SPOCK1: variants seen among roughly 807,000 people sequenced by gnomAD.
The protein encoded by SPOCK1 is testican-1.
In SPOCK1, 23 loss-of-function variants were observed where a neutral mutation model predicts 55.3. The ratio of observed to expected loss-of-function variants is 0.42; its 90% confidence interval spans 0.30 to 0.59. The LOEUF (loss-of-function observed/expected upper bound fraction) is 0.59, where lower values mean the gene tolerates loss of function less well. Among genes scored for constraint, SPOCK1 ranks in the 20% least tolerant of loss-of-function variants. SPOCK1 has a pLI of 0.22. For missense variants in SPOCK1, 499 were observed against 552.5 expected (o/e 0.90, Z 0.97); for synonymous variants, 226 against 221.0 (o/e 1.02, Z -0.20).
At chr5:137,266,614 T>C (rs971974195) in intron 3 of SPOCK1, among the ~76,000 whole-genome samples, 1 of 152,222 alleles carries the variant, frequency 6.6e-6, no homozygotes, top group Non-Finnish European at 1.5e-5. Flanking sequence ...ATTAACCTTT[T>C]TCTAGAAAGA....
chr5:137,286,955 G>C (rs77663885), intron 2 of SPOCK1, among the ~76,000 whole-genome samples: 1 of 152,144 alleles, frequency 6.6e-6, no homozygotes, highest in Non-Finnish European at 1.5e-5. Flanking sequence ...CTTTACAAGA[G>C]CTTATTAAAA....
intron 4 of SPOCK1, among the ~76,000 whole-genome samples, chr5:137,118,495 C>T (rs1199183694): frequency 6.6e-6 from 1 of 152,204 alleles, no homozygotes; most frequent in Non-Finnish European, 1.5e-5. Context: ...CCTGTGACCT[C>T]CCCCACAGGG....
chr5:137,385,542 T>G (rs1751580747), intron 2 of SPOCK1, among the ~76,000 whole-genome samples: 1 of 152,212 alleles, frequency 6.6e-6, no homozygotes, highest in African/African-American at 2.4e-5. Context: ...GCTTGGGAAT[T>G]GTTTTGTTAA....
intron 3 of SPOCK1, among the ~76,000 whole-genome samples, chr5:137,265,057 C>G (rs918820306): frequency 6.6e-6 from 1 of 152,148 alleles, no homozygotes; most frequent in Non-Finnish European, 1.5e-5. Context: ...GGATGGGGCT[C>G]TGCTGAATAT....
At chr5:137,322,167 C>T (rs1757991625) in intron 2 of SPOCK1, among the ~76,000 whole-genome samples, 1 of 151,526 alleles carries the variant, frequency 6.6e-6, no homozygotes, top group Non-Finnish European at 1.5e-5. Flanking sequence ...CCCATTCTTA[C>T]TAAAAAATAC....
intron 2 of SPOCK1, among the ~76,000 whole-genome samples, chr5:137,433,202 A>AC (rs1379096267): frequency 6.6e-6 from 1 of 152,168 alleles, no homozygotes; most frequent in Admixed American, 6.5e-5. Flanking sequence ...GACTTGAAAA[A>AC]CCAGAACCTT....
chr5:137,456,896 T>G (rs1384740823), intron 2 of SPOCK1, among the ~76,000 whole-genome samples: 1 of 152,244 alleles, frequency 6.6e-6, no homozygotes, highest in Admixed American at 6.5e-5. Flanking sequence ...AATTCATTGT[T>G]AATACACACT....
intron 2 of SPOCK1, among the ~76,000 whole-genome samples, chr5:137,497,107 T>C (rs571390398): frequency 3.9e-4 from 60 of 152,270 alleles, no homozygotes; most frequent in African/African-American, 1.4e-3. Context: ...ATTCATTCAA[T>C]GTCTCAAATT....
At chr5:137,119,666 C>T (rs1277881513) in intron 4 of SPOCK1, among the ~76,000 whole-genome samples, 2 of 152,214 alleles carry the variant, frequency 1.3e-5, no homozygotes, top group African/African-American at 4.8e-5. Flanking sequence ...TCCTGTGTGC[C>T]TGAGGGTGTC....
intron 6 of SPOCK1, among the ~76,000 whole-genome samples, chr5:137,027,784 C>T (rs906668255): frequency 4.6e-5 from 7 of 151,756 alleles, no homozygotes; most frequent in Admixed American, 1.3e-4. Context: ...TACACACCAC[C>T]CCTTTTGCAC....
intron 2 of SPOCK1, among the ~76,000 whole-genome samples, chr5:137,374,315 T>C (rs545754883): frequency 1.3e-5 from 2 of 152,308 alleles, no homozygotes; most frequent in Admixed American, 6.5e-5. Context: ...GTCACAAAGA[T>C]GAAGCCCCAG....
chr5:137,412,127 C>G (rs761843575), intron 2 of SPOCK1, among the ~76,000 whole-genome samples: 23 of 152,336 alleles, frequency 1.5e-4, no homozygotes, highest in Middle Eastern at 3.4e-3. Context: ...GCAACAGTGT[C>G]CTCATGTATT....
chr5:137,374,952 A>T (rs994171993), intron 2 of SPOCK1, among the ~76,000 whole-genome samples: 1 of 152,178 alleles, frequency 6.6e-6, no homozygotes, highest in Non-Finnish European at 1.5e-5. Flanking sequence ...TATAGGGATA[A>T]GAGAAAGCAA....
chr5:137,240,613 A>G (rs1460585386), intron 3 of SPOCK1, among the ~76,000 whole-genome samples: 1 of 152,244 alleles, frequency 6.6e-6, no homozygotes, highest in Non-Finnish European at 1.5e-5. Context: ...ATCACACAGG[A>G]AGACAAACTC....
intron 2 of SPOCK1, among the ~76,000 whole-genome samples, chr5:137,456,000 C>T (rs1305927310): frequency 6.6e-6 from 1 of 152,090 alleles, no homozygotes; most frequent in Non-Finnish European, 1.5e-5. Flanking sequence ...TGCACTCCAG[C>T]TTGGGCAACA....
intron 6 of SPOCK1, among the ~76,000 whole-genome samples, chr5:137,050,635 C>T (rs897910129): frequency 2.0e-5 from 3 of 152,106 alleles, no homozygotes; most frequent in African/African-American, 7.2e-5. Context: ...TAGACCGGAG[C>T]TGTTCCTATT....
chr5:137,061,165 G>C (rs923861918), intron 6 of SPOCK1, among the ~76,000 whole-genome samples: 1 of 152,184 alleles, frequency 6.6e-6, no homozygotes, highest in Non-Finnish European at 1.5e-5. Flanking sequence ...TACACAACGG[G>C]CATTAAACAA....
At chr5:137,469,216 T>A (rs1000578127) in intron 2 of SPOCK1, among the ~76,000 whole-genome samples, 1 of 152,208 alleles carries the variant, frequency 6.6e-6, no homozygotes, top group Non-Finnish European at 1.5e-5. Context: ...GCTGTGGGCT[T>A]GATACAAAGG....
At chr5:137,227,394 A>T (rs750968176) in intron 3 of SPOCK1, among the ~76,000 whole-genome samples, 2 of 152,250 alleles carry the variant, frequency 1.3e-5, no homozygotes, top group Non-Finnish European at 2.9e-5. Context: ...TTTGCTGCTT[A>T]CAAAAAAGAA....
Sources: gnomAD v4.1 joint callset for allele counts (sites outside exome capture counted in the v4.1 genomes callset) on GRCh38, gnomAD v4.1.1 for gene constraint, MANE v1.5 for transcripts, NCBI Gene and HGNC (gene_info 2026-07-23, HGNC 2026-07-21) for gene names.